Variants in TBC1D22A observed in about 807,000 individuals in gnomAD.
The protein encoded by TBC1D22A is putative GTPase activator.
A neutral mutation model predicts 60.2 loss-of-function variants in TBC1D22A; 38 were observed. That is an observed-to-expected ratio of 0.63 (90% CI 0.49 to 0.83). The LOEUF is 0.83. TBC1D22A is among the 40% of genes least tolerant of loss of function. TBC1D22A has a pLI of 0.00. For missense variants in TBC1D22A, 628 were observed against 701.0 expected (o/e 0.90, Z 1.18); for synonymous variants, 302 against 281.7 (o/e 1.07, Z -0.72).
intron 10 of TBC1D22A, among the ~76,000 whole-genome samples, chr22:47,005,001 T>G (rs2061535792): frequency 6.6e-6 from 1 of 151,556 alleles, no homozygotes; most frequent in African/African-American, 2.4e-5. Context: ...ATACATGCCT[T>G]TATACACACA....
At chr22:47,102,281 C>T (rs1263418261) in intron 11 of TBC1D22A, among the ~76,000 whole-genome samples, 2 of 152,202 alleles carry the variant, frequency 1.3e-5, no homozygotes, top group Non-Finnish European at 2.9e-5. Flanking sequence ...CCTTGCGCTA[C>T]GCACCTCCCT....
intron 12 of TBC1D22A, among the ~76,000 whole-genome samples, chr22:47,137,524 G>T (rs1274426234): frequency 6.6e-6 from 1 of 152,150 alleles, no homozygotes; most frequent in African/African-American, 2.4e-5. Context: ...AGGTCTCCCT[G>T]ACTGCAGGGG....
At chr22:46,955,182 A>G (rs748923192) in intron 8 of TBC1D22A, among the ~76,000 whole-genome samples, 1 of 152,214 alleles carries the variant, frequency 6.6e-6, no homozygotes, top group Non-Finnish European at 1.5e-5. Context: ...AAAAAATTAA[A>G]AATTAAAATA....
intron 10 of TBC1D22A, among the ~76,000 whole-genome samples, chr22:47,035,697 T>C (rs535807981): frequency 6.6e-6 from 1 of 152,068 alleles, no homozygotes; most frequent in South Asian, 2.1e-4. Flanking sequence ...CACAGCAGGG[T>C]CCCATCATGG....
rs571615705 is a variant in TBC1D22A at position 47,127,716 on chromosome 22, C to G, written c.1425+16113C>G. Among the ~76,000 whole-genome samples, 6 of 152,214 alleles carry G rather than the reference C, an allele frequency of 3.9e-5. No individual in the cohort carries two copies. In the South Asian group the frequency reaches 1.2e-3, roughly 32 times the overall value. On this transcript the variant is annotated intron_variant, in intron 12 of 12. Transcript: ENST00000337137. Reference sequence around the variant, plus strand: ...ACTGAGAGAATGTGAGTGGCAGGCACTGAGCACTTTTCCCAGGTAGCAGGA... The same window carrying G: ...ACTGAGAGAATGTGAGTGGCAGGCAGTGAGCACTTTTCCCAGGTAGCAGGA...
At chr22:46,798,156 G>A (rs1317880472) in intron 4 of TBC1D22A, among the ~76,000 whole-genome samples, 1 of 152,246 alleles carries the variant, frequency 6.6e-6, no homozygotes, top group Non-Finnish European at 1.5e-5. Flanking sequence ...GGCTTAAGGC[G>A]TGATCCACCA....
At chr22:46,831,838 A>T (rs1442739367) in intron 4 of TBC1D22A, among the ~76,000 whole-genome samples, 2 of 152,238 alleles carry the variant, frequency 1.3e-5, no homozygotes, top group African/African-American at 2.4e-5. Flanking sequence ...GGAGCGATAG[A>T]TCATCGTGGC....
chr22:47,066,400 G>C (rs893255215), intron 11 of TBC1D22A, among the ~76,000 whole-genome samples: 2 of 151,916 alleles, frequency 1.3e-5, no homozygotes, highest in Admixed American at 1.3e-4. Flanking sequence ...GGATGCTCGA[G>C]TCAGGGGAGG....
rs973544159 is a variant in TBC1D22A, at chr22:46,878,531, GTTTAA to G, written c.638-118_638-114del. ...TCGTATCTGAAATGTTGATGATTTAGTTTAATTTGTTTATGGGGCTCCTTGCCTCC... is the reference window on the plus strand; with the variant it reads ...TCGTATCTGAAATGTTGATGATTTAGTTTGTTTATGGGGCTCCTTGCCTCC... On this transcript the variant is annotated intron_variant, in intron 4 of 12. Coordinates refer to ENST00000337137, the MANE Select transcript of TBC1D22A (RefSeq NM_014346.5). 2.3e-4 allele frequency: 181 copies of G among 779,700 alleles called. 2 individuals are homozygous for G. In the African/African-American group the frequency reaches 2.6e-3, roughly 11 times the overall value. 48.3% of individuals were successfully genotyped at this position (779,700 alleles called of 1,614,324 possible). A position where few individuals can be genotyped will look rare whatever the true frequency, so the allele number is the denominator to read the frequency against.
At chr22:47,109,971 G>A (rs908710177) in intron 11 of TBC1D22A, among the ~76,000 whole-genome samples, 2 of 152,098 alleles carry the variant, frequency 1.3e-5, no homozygotes, top group Non-Finnish European at 2.9e-5. Context: ...CAGAGTGACA[G>A]TCGGAGGGAT....
chr22:47,107,076 GA>G (rs1340593541), intron 11 of TBC1D22A, among the ~76,000 whole-genome samples: 1 of 152,180 alleles, frequency 6.6e-6, no homozygotes, highest in Admixed American at 6.5e-5. Flanking sequence ...TACTGTTTGG[GA>G]GGAGGATAAA....
At position 46,793,822 on chromosome 22, in the gene TBC1D22A, C is replaced by T. The variant is rs1418469395; in HGVS notation, c.441C>T (p.Ser147=). ...GGCTGGTGAAGTCGGTCAGTGAGAGCCACACGTCCTGTCCTGCAGGTACGA... is the reference window on the plus strand; with the variant it reads ...GGCTGGTGAAGTCGGTCAGTGAGAGTCACACGTCCTGTCCTGCAGGTACGA... ...DLRLVKSVSE[S]HTSCPAESAS... Residue 147 remains serine, a synonymous_variant, in exon 3 of 13, where the codon AGC becomes AGT. Transcript: ENST00000337137. 3.1e-6 allele frequency: 5 copies of T among 1,587,848 alleles called. No individual in the cohort carries two copies. The highest frequency in any genetic ancestry group is 3.6e-5 in the Admixed American group (2 of 55,460).
At chr22:46,885,141 T>G (rs1247193052) in intron 5 of TBC1D22A, among the ~76,000 whole-genome samples, 6 of 152,196 alleles carry the variant, frequency 3.9e-5, no homozygotes, top group Non-Finnish European at 7.4e-5. Context: ...TCAGCGTCTC[T>G]GTATCCAGGG....
At chr22:47,143,146 G>GTC (rs375120148) in intron 12 of TBC1D22A, among the ~76,000 whole-genome samples, 229 of 151,960 alleles carry the variant, frequency 1.5e-3, no homozygotes, top group Non-Finnish European at 2.5e-3. Context: ...GGAAGCCCCC[G>GTC]TCTCTCTCTC....
chr22:46,912,367 C>T (rs758068427), intron 8 of TBC1D22A, among the ~76,000 whole-genome samples, 179 bp downstream of exon 8: 14 of 152,170 alleles, frequency 9.2e-5, no homozygotes, highest in Non-Finnish European at 1.8e-4. Flanking sequence ...AATCTACATG[C>T]TCAACTACTG....
At chr22:46,847,736 G>T (rs2087067636) in intron 4 of TBC1D22A, among the ~76,000 whole-genome samples, 1 of 152,214 alleles carries the variant, frequency 6.6e-6, no homozygotes, top group African/African-American at 2.4e-5. Context: ...TGTAGTAGAG[G>T]CACCCAGGCT....
In TBC1D22A at chr22:46,794,026, C is replaced by T. The variant is rs1258732217; in HGVS notation, c.460+185C>T. ...AGTGGCCTGCGCTCTTTCCTAGGGC[C>T]CCCAAGTGCTTTCTTCTGTCCTAGC... On this transcript the variant is annotated intron_variant, in intron 3 of 12. Transcript: ENST00000337137. 1.3e-5 allele frequency among the ~76,000 whole-genome samples: 2 copies of T among 152,176 alleles called. 1 individual carries two copies. The highest frequency in any genetic ancestry group is 4.1e-4 in the South Asian group (2 of 4,824).
At chr22:47,154,694 AG>A (rs2067642665) in intron 12 of TBC1D22A, among the ~76,000 whole-genome samples, 1 of 152,218 alleles carries the variant, frequency 6.6e-6, no homozygotes, top group South Asian at 2.1e-4. Context: ...CAGCTCTGTT[AG>A]GCAGGGAGTG....
chr22:46,972,045 C>G (rs1459207589), intron 8 of TBC1D22A, among the ~76,000 whole-genome samples: 1 of 152,184 alleles, frequency 6.6e-6, no homozygotes, highest in Non-Finnish European at 1.5e-5. Flanking sequence ...ACTTGTCATC[C>G]TAGCCCCGCA....
Sources: allele counts gnomAD v4.1 joint callset (sites outside exome capture counted in the v4.1 genomes callset), GRCh38; gene constraint gnomAD v4.1.1; transcripts MANE v1.5; gene names NCBI Gene and HGNC (gene_info 2026-07-23, HGNC 2026-07-21).